The following GLIS3 variants were observed in gnomAD, a reference collection of about 807,000 sequenced individuals.
GLIS3 encodes GLIS family zinc finger 3.
GLIS3 carries 53 observed loss-of-function variants against 78.6 expected under a neutral mutation model. That is an observed-to-expected ratio of 0.67 (90% CI 0.54 to 0.85). GLIS3 has a LOEUF of 0.85. GLIS3 is among the 40% of genes least tolerant of loss of function. GLIS3 has a pLI of 0.00. For synonymous variants in GLIS3, 684 were observed against 509.9 expected (o/e 1.34, Z -4.60); for missense variants, 1,703 against 1,231.1 (o/e 1.38, Z -5.74).
At chr9:3,939,073 C>T (rs1000208466) in intron 4 of GLIS3, among the ~76,000 whole-genome samples, 1 of 152,178 alleles carries the variant, frequency 6.6e-6, no homozygotes, top group African/African-American at 2.4e-5. Context: ...AGACTGTAGC[C>T]TGGTTCTTAG....
At chr9:4,012,139 C>T (rs1822065996) in intron 4 of GLIS3, among the ~76,000 whole-genome samples, 1 of 152,264 alleles carries the variant, frequency 6.6e-6, no homozygotes, top group African/African-American at 2.4e-5. Context: ...AGTATAGGGG[C>T]TAAACCACCA....
At chr9:3,976,795 C>CAAAA (rs540496174) in intron 4 of GLIS3, among the ~76,000 whole-genome samples, 1 of 26,184 alleles carries the variant, frequency 3.8e-5, no homozygotes, top group Non-Finnish European at 7.3e-5. Flanking sequence ...CCTCCCCCTG[C>CAAAA]AAAAAAAAAA....
intron 2 of GLIS3, among the ~76,000 whole-genome samples, chr9:4,195,504 G>A (rs935933161): frequency 1.3e-5 from 2 of 152,200 alleles, no homozygotes; most frequent in Admixed American, 6.5e-5. Context: ...CACCGCGCTC[G>A]AATTCTCGCC....
chr9:3,934,202 C>G (rs1388168964), intron 5 of GLIS3, among the ~76,000 whole-genome samples: 2 of 152,200 alleles, frequency 1.3e-5, no homozygotes, highest in African/African-American at 4.8e-5. Flanking sequence ...CCTTCTTGCA[C>G]TAGCCTTCCC....
chr9:4,322,510 T>G (rs901124921), intron 2 of GLIS3, among the ~76,000 whole-genome samples: 1 of 152,214 alleles, frequency 6.6e-6, no homozygotes, highest in African/African-American at 2.4e-5. Flanking sequence ...TAGTTTACAC[T>G]CCCACCAATA....
chr9:3,844,702 G>A (rs1290606889), intron 9 of GLIS3, among the ~76,000 whole-genome samples: 1 of 152,172 alleles, frequency 6.6e-6, no homozygotes, highest in Non-Finnish European at 1.5e-5. Flanking sequence ...GACACAGCTT[G>A]ACTGACAGGG....
chr9:3,886,862 G>C (rs1334601876), intron 7 of GLIS3, among the ~76,000 whole-genome samples: 4 of 152,226 alleles, frequency 2.6e-5, no homozygotes, highest in Non-Finnish European at 5.9e-5. Context: ...TGGAGAACGA[G>C]AGAGAGGCCT....
chr9:3,970,452 A>G (rs1006560087), intron 4 of GLIS3, among the ~76,000 whole-genome samples: 1 of 152,220 alleles, frequency 6.6e-6, no homozygotes, highest in Non-Finnish European at 1.5e-5. Context: ...AAACAAATGC[A>G]TTATTTGTAG....
rs531965534 is a variant in GLIS3, at chr9:4,245,916, C to T, written c.388+40122G>A. ...CTTTCATATCTTCTATTATTTCCTC[C>T]GGTATTTATTTTTATTTTTTCAGAC... On this transcript the variant is annotated intron_variant, in intron 2 of 10. Transcript: ENST00000381971. Among the ~76,000 whole-genome samples the T allele has an allele frequency of 5.3e-5, 8 of 152,166 alleles. No homozygotes were observed. In the South Asian group the frequency reaches 1.2e-3, roughly 24 times the overall value.
In GLIS3 at chr9:4,020,853, T is replaced by G. The variant is rs149448538; in HGVS notation, c.1711-83664A>C. ...TTGCTGCCACCCTGACGTAAGCAAATGATACTGGTCGTGTATCTCCTGATC... is the reference window on the plus strand; with the variant it reads ...TTGCTGCCACCCTGACGTAAGCAAAGGATACTGGTCGTGTATCTCCTGATC... On this transcript the variant is annotated intron_variant, in intron 4 of 10. Transcript: ENST00000381971. Among the ~76,000 whole-genome samples the G allele has an allele frequency of 1.6e-3, 245 of 152,306 alleles. 2 individuals are homozygous for G. The highest frequency in any genetic ancestry group is 3.6e-3 in the Admixed American group (55 of 15,284).
chr9:4,371,252 C>T, the GLIS3 span, among the ~76,000 whole-genome samples: 2 of 152,164 alleles, frequency 1.3e-5, no homozygotes, highest in African/African-American at 4.8e-5. Context: ...CAAATCCTGG[C>T]TGACTGGGAC....
At chr9:4,206,965 T>C (rs1051748058) in intron 2 of GLIS3, among the ~76,000 whole-genome samples, 2 of 152,166 alleles carry the variant, frequency 1.3e-5, no homozygotes, top group African/African-American at 4.8e-5. Context: ...TGGACATTCG[T>C]ACTCACTGAC....
chr9:4,051,027 AATT>A (rs1369249053), intron 4 of GLIS3, among the ~76,000 whole-genome samples: 2 of 152,044 alleles, frequency 1.3e-5, no homozygotes, highest in Non-Finnish European at 2.9e-5. Context: ...TAGGCAAATT[AATT>A]ACTACTAAGG....
intron 1 of GLIS3, among the ~76,000 whole-genome samples, chr9:4,295,503 A>G (rs951045886): frequency 6.6e-6 from 1 of 152,216 alleles, no homozygotes; most frequent in Admixed American, 6.5e-5. Context: ...GTGTTGAGCG[A>G]AAGAAGCCAG....
At chr9:4,365,813 TCAC>T in the GLIS3 span, among the ~76,000 whole-genome samples, 7 of 152,216 alleles carry the variant, frequency 4.6e-5, no homozygotes, top group African/African-American at 1.4e-4. Flanking sequence ...ATCTAAAATG[TCAC>T]CACCAAGTAT....
chr9:4,174,954 A>C (rs577470871), intron 2 of GLIS3, among the ~76,000 whole-genome samples: 1 of 152,330 alleles, frequency 6.6e-6, no homozygotes, highest in South Asian at 2.1e-4. Flanking sequence ...AAGTAGTGAC[A>C]CAGCTCAGAA....
intron 2 of GLIS3, among the ~76,000 whole-genome samples, chr9:4,254,467 A>G (rs1824716971): frequency 6.6e-6 from 1 of 152,226 alleles, no homozygotes; most frequent in African/African-American, 2.4e-5. Flanking sequence ...GACAGTAAAT[A>G]CTGCCTTTAT....
intron 7 of GLIS3, among the ~76,000 whole-genome samples, chr9:3,882,162 G>C (rs1170716099): frequency 6.6e-6 from 1 of 152,112 alleles, no homozygotes; most frequent in Non-Finnish European, 1.5e-5. Flanking sequence ...CTCGGTGCCT[G>C]GTATCTCCAA....
the GLIS3 span, among the ~76,000 whole-genome samples, chr9:4,450,079 C>G: frequency 6.6e-6 from 1 of 152,084 alleles, no homozygotes; most frequent in Non-Finnish European, 1.5e-5. Context: ...GGACCCATCA[C>G]AAGGAAGCTA....
Sources: gnomAD v4.1 joint callset for allele counts (sites outside exome capture counted in the v4.1 genomes callset) on GRCh38, gnomAD v4.1.1 for gene constraint, MANE v1.5 for transcripts, NCBI Gene and HGNC (gene_info 2026-07-23, HGNC 2026-07-21) for gene names.